CERS6: variants seen among roughly 807,000 people sequenced by gnomAD.
CERS6 encodes LAG1 homolog, ceramide synthase 6.
A neutral mutation model predicts 56.8 loss-of-function variants in CERS6; 26 were observed. The observed-to-expected ratio is 0.46, with a 90% CI of 0.34 to 0.63. CERS6 has a LOEUF of 0.63. CERS6 is among the 30% of genes least tolerant of loss of function. The probability of loss-of-function intolerance (pLI) is 0.01; values close to 1 mark genes in which losing one functional copy is unlikely to be tolerated. For synonymous variants in CERS6, 164 were observed against 173.3 expected, an observed-to-expected ratio of 0.95 and a Z score of 0.42; for missense variants, 415 against 467.5, an observed-to-expected ratio of 0.89 and a Z score of 1.04.
intron 8 of CERS6, among the ~76,000 whole-genome samples, chr2:168,730,101 C>G (rs563286387): frequency 1.3e-5 from 2 of 152,234 alleles, no homozygotes; most frequent in Admixed American, 6.5e-5. Context: ...CGGAATCGGC[C>G]CAGTCGAAGA....
intron 8 of CERS6, among the ~76,000 whole-genome samples, chr2:168,749,013 T>A: frequency 7.1e-6 from 1 of 139,914 alleles, no homozygotes; most frequent in Non-Finnish European, 1.5e-5. Flanking sequence ...TACCATTTCC[T>A]CCTTTCCCCA....
chr2:168,662,935 A>G (rs1184567832), intron 4 of CERS6, among the ~76,000 whole-genome samples: 7 of 152,246 alleles, frequency 4.6e-5, no homozygotes, highest in Admixed American at 4.6e-4. Context: ...TAACCAAAAA[A>G]TATCAAAACA....
intron 8 of CERS6, among the ~76,000 whole-genome samples, chr2:168,760,264 C>T (rs144718820): frequency 1.2e-4 from 18 of 152,126 alleles, no homozygotes; most frequent in African/African-American, 4.3e-4. Context: ...AGAGCCAGTC[C>T]GAGTCTCAAA....
intron 2 of CERS6, among the ~76,000 whole-genome samples, chr2:168,558,694 C>T (rs1695728809): frequency 6.6e-6 from 1 of 152,100 alleles, no homozygotes. Context: ...ACAGTGAAAC[C>T]CCGTCTCTAC....
intron 2 of CERS6, among the ~76,000 whole-genome samples, chr2:168,557,062 G>T (rs1695695003): frequency 6.6e-6 from 1 of 150,822 alleles, no homozygotes; most frequent in Non-Finnish European, 1.5e-5. Flanking sequence ...TACCTGGAAG[G>T]CTAAGGTGGG....
chr2:168,713,808 G>C (rs748130142), intron 6 of CERS6, among the ~76,000 whole-genome samples: 3 of 151,330 alleles, frequency 2.0e-5, no homozygotes, highest in Admixed American at 6.6e-5. Flanking sequence ...GTTTGTGTAG[G>C]TCCTATCAGA....
chr2:168,653,734 A>T (rs1340084408), intron 4 of CERS6, among the ~76,000 whole-genome samples: 1 of 152,232 alleles, frequency 6.6e-6, no homozygotes, highest in Non-Finnish European at 1.5e-5. Flanking sequence ...TGCTGCCAGC[A>T]ACACTAACAA....
chr2:168,586,846 A>AT (rs1053626373), intron 3 of CERS6, among the ~76,000 whole-genome samples: 26 of 152,326 alleles, frequency 1.7e-4, no homozygotes, highest in African/African-American at 6.0e-4. Flanking sequence ...TTCTTGGCAC[A>AT]TTCCTTGATA....
chr2:168,458,274 GA>G (rs1482754480), intron 1 of CERS6, among the ~76,000 whole-genome samples: 6 of 152,192 alleles, frequency 3.9e-5, no homozygotes, highest in Non-Finnish European at 8.8e-5. Flanking sequence ...ATTTGAAAGA[GA>G]TGTGCAGTCT....
chr2:168,655,809 C>G, intron 4 of CERS6, among the ~76,000 whole-genome samples: 1 of 152,144 alleles, frequency 6.6e-6, no homozygotes, highest in East Asian at 1.9e-4. Context: ...AGCATGAGGA[C>G]TGTAGTTATT....
chr2:168,699,942 G>A lies in CERS6; in HGVS notation c.609+4891G>A, dbSNP rs187753683. On this transcript the variant is annotated intron_variant, in intron 6 of 9. Transcript: ENST00000305747. ...CTCAGAACAGCTTGCTTATGTCTAA[G>A]CCCTATGTCCCTTTTAACTAAGCTG... Among the ~76,000 whole-genome samples the A allele has an allele frequency of 1.3e-3, 205 of 152,316 alleles. 2 individuals carry two copies. Among genetic ancestry groups the A allele is most frequent in the African/African-American group, 4.7e-3 (194 of 41,582 alleles).
At chr2:168,704,709 C>T (rs1272008154) in intron 6 of CERS6, among the ~76,000 whole-genome samples, 17 of 152,114 alleles carry the variant, frequency 1.1e-4, no homozygotes, top group African/African-American at 3.9e-4. Flanking sequence ...CGGGTTCAAG[C>T]GATTCTCCTG....
intron 6 of CERS6, among the ~76,000 whole-genome samples, chr2:168,695,289 G>A (rs746711036): frequency 1.3e-5 from 2 of 152,048 alleles, no homozygotes; most frequent in African/African-American, 2.4e-5. Flanking sequence ...TAATAATGTA[G>A]CAATGAATCC....
At chr2:168,500,434 C>T (rs1574025784) in intron 1 of CERS6, among the ~76,000 whole-genome samples, 1 of 152,122 alleles carries the variant, frequency 6.6e-6, no homozygotes, top group Non-Finnish European at 1.5e-5. Context: ...TGGAAAAGTC[C>T]ATGATGGATA....
rs779676211 is a variant in CERS6, at chr2:168,765,631, T to C, written c.885T>C (p.Val295=). The part of the protein sequence containing the change: ...NTTLFESWEI[V]GPYPSWWVFN... ...CATTATTTGAAAGCTGGGAGATCGT[T>C]GGACCTTACCCTTCCTGGTGGGTTT... is the stretch of plus-strand genomic sequence containing the variant. Residue 295 remains valine, a synonymous_variant, in exon 9 of 10, where the codon GTT becomes GTC. Coordinates refer to ENST00000305747, the MANE Select transcript of CERS6 (RefSeq NM_203463.3). 6.2e-6 allele frequency: 10 copies of C among 1,614,002 alleles called. No homozygotes were observed. Among genetic ancestry groups the C allele is most frequent in the Non-Finnish European group, 8.5e-6 (10 of 1,179,986 alleles).
chr2:168,478,401 G>C (rs1011008909), intron 1 of CERS6, among the ~76,000 whole-genome samples: 2 of 152,148 alleles, frequency 1.3e-5, no homozygotes, highest in African/African-American at 4.8e-5. Context: ...CATGTTCCTT[G>C]TACAGACTTT....
chr2:168,591,799 AAAGG>A (rs1191983107), intron 3 of CERS6, among the ~76,000 whole-genome samples: 1 of 152,232 alleles, frequency 6.6e-6, no homozygotes, highest in African/African-American at 2.4e-5. Flanking sequence ...GTATAATTCA[AAAGG>A]AAGAGTAACC....
chr2:168,604,182 C>T (rs2105265925), intron 3 of CERS6, among the ~76,000 whole-genome samples: 1 of 152,304 alleles, frequency 6.6e-6, no homozygotes, highest in African/African-American at 2.4e-5. Flanking sequence ...TGATTTTAGT[C>T]CTTTTCCCTT....
rs573944167 is a variant in CERS6 at position 168,766,832 on chromosome 2, T to C, written c.1002+1084T>C. On this transcript the variant is annotated intron_variant, in intron 9 of 9. Transcript: ENST00000305747. ...CATCAAGGTCAACAGGGCTGGCCTG[T>C]TCTGCAGGGGAAGTCGGGGCATCTA... Among the ~76,000 whole-genome samples the C allele has an allele frequency of 2.0e-5, 3 of 152,322 alleles. No homozygotes were observed. The East Asian group carries it at 5.8e-4, about 29-fold the overall frequency.
Sources: gnomAD v4.1 joint callset for allele counts (sites outside exome capture counted in the v4.1 genomes callset) on GRCh38, gnomAD v4.1.1 for gene constraint, MANE v1.5 for transcripts, NCBI Gene and HGNC (gene_info 2026-07-23, HGNC 2026-07-21) for gene names.